The following KAZN variants were observed in gnomAD, a reference collection of about 807,000 sequenced individuals.
The protein encoded by KAZN is kazrin.
In KAZN, 40 loss-of-function variants were observed where a neutral mutation model predicts 87.4. The ratio of observed to expected loss-of-function variants is 0.46; its 90% confidence interval spans 0.36 to 0.60. KAZN has a LOEUF of 0.60. KAZN is among the 20% of genes least tolerant of loss of function. The probability of loss-of-function intolerance (pLI) is 0.00; values close to 1 mark genes in which losing one functional copy is unlikely to be tolerated. For synonymous variants in KAZN, 466 were observed against 458.3 expected, an observed-to-expected ratio of 1.02 and a Z score of -0.22; for missense variants, 898 against 1,073.9, an observed-to-expected ratio of 0.84 and a Z score of 2.29.
intron 3 of KAZN, among the ~76,000 whole-genome samples, chr1:15,043,705 G>T (rs1673161127): frequency 1.4e-5 from 2 of 145,980 alleles, no homozygotes; most frequent in Admixed American, 1.4e-4. Context: ...GTGCAGTGGT[G>T]CGATCTCGGC....
At chr1:13,916,957 T>C (rs755225608) in intron 1 of KAZN, among the ~76,000 whole-genome samples, 37 of 152,290 alleles carry the variant, frequency 2.4e-4, no homozygotes, top group Non-Finnish European at 4.7e-4. Context: ...GCATGCTCCC[T>C]GGGTAACCAT....
intron 1 of KAZN, among the ~76,000 whole-genome samples, chr1:14,929,434 C>T (rs1275555081): frequency 1.3e-5 from 2 of 152,132 alleles, no homozygotes; most frequent in Non-Finnish European, 2.9e-5. Flanking sequence ...TGCCAGGACC[C>T]TCCAGCCATT....
Position 14,287,032 on chromosome 1 carries a change from T to C in KAZN, c.249+106440T>C, listed in dbSNP as rs973379656. ...TGGAACTACAATTGAGTTTTGTATATGCTAATATTTTTATTAGTGCTTGTA... is the reference window on the plus strand; with the variant it reads ...TGGAACTACAATTGAGTTTTGTATACGCTAATATTTTTATTAGTGCTTGTA... On this transcript the variant is annotated intron_variant, in intron 2 of 16. Transcript: ENST00000636203. Among the ~76,000 whole-genome samples, 76 of 152,226 alleles carry C rather than the reference T, an allele frequency of 5.0e-4. 1 individual carries two copies. The highest frequency in any genetic ancestry group is 1.8e-3 in the African/African-American group (74 of 41,464).
chr1:14,447,717 G>A (rs534478958), intron 2 of KAZN, among the ~76,000 whole-genome samples: 1 of 152,218 alleles, frequency 6.6e-6, no homozygotes, highest in African/African-American at 2.4e-5. Context: ...CTCAGCCATG[G>A]GGTTGGGGGT....
intron 1 of KAZN, among the ~76,000 whole-genome samples, chr1:14,129,263 C>T (rs1329272761): frequency 2.0e-5 from 3 of 152,162 alleles, no homozygotes; most frequent in Non-Finnish European, 4.4e-5. Flanking sequence ...ATACAGAAGC[C>T]GGACACACTT....
In KAZN at chr1:15,099,246, G is replaced by A. The variant is rs753652027; in HGVS notation, c.1548-2297G>A. 2.6e-5 allele frequency among the ~76,000 whole-genome samples: 4 copies of A among 152,198 alleles called. No homozygotes were observed. Among genetic ancestry groups the A allele is most frequent in the Non-Finnish European group, 5.9e-5 (4 of 68,034 alleles). On this transcript the variant is annotated intron_variant, in intron 10 of 14. Coordinates refer to ENST00000376030, the MANE Select transcript of KAZN (RefSeq NM_201628.3). This position sits in a 1 kb window ranked among gnomAD's most constrained non-coding sequence, Gnocchi z 5.4. Reference sequence around the variant, plus strand: ...CATCCTGCTCTTAGCCATTATTCCAGGAAGCATTCAATCAGTGTCTACTGT... The same window carrying A: ...CATCCTGCTCTTAGCCATTATTCCAAGAAGCATTCAATCAGTGTCTACTGT...
At chr1:13,893,045 T>TTTGG (rs1638898976) in exon 1 of KAZN, 1 of 151,940 alleles carries the variant, frequency 6.6e-6, no homozygotes, top group Non-Finnish European at 1.5e-5. Context: ...GCGCTCTCCC[T>TTTGG]TTGGCAGCAG....
At chr1:14,907,755 G>T (rs1465506743) in intron 1 of KAZN, among the ~76,000 whole-genome samples, 2 of 152,178 alleles carry the variant, frequency 1.3e-5, no homozygotes, top group African/African-American at 2.4e-5. Flanking sequence ...AAGTCATGGA[G>T]CTGTTGAAGG....
chr1:14,961,592 G>A (rs893476142), intron 2 of KAZN, among the ~76,000 whole-genome samples: 1 of 152,180 alleles, frequency 6.6e-6, no homozygotes, highest in Non-Finnish European at 1.5e-5. Context: ...TAACCTGTCA[G>A]TGGACTCCAC....
intron 1 of KAZN, among the ~76,000 whole-genome samples, chr1:14,016,772 C>A (rs1640592195): frequency 6.6e-6 from 1 of 152,048 alleles, no homozygotes; most frequent in Admixed American, 6.6e-5. Flanking sequence ...GCATATTTTA[C>A]AAAACACAAA....
chr1:14,839,110 G>A (rs1326464061), intron 1 of KAZN, among the ~76,000 whole-genome samples: 1 of 152,198 alleles, frequency 6.6e-6, no homozygotes, highest in East Asian at 1.9e-4. Context: ...TGCCCTGCCT[G>A]TCCTGCCACT....
At chr1:14,331,135 T>G (rs1366980170) in intron 2 of KAZN, among the ~76,000 whole-genome samples, 2 of 152,108 alleles carry the variant, frequency 1.3e-5, no homozygotes, top group African/African-American at 4.8e-5. Context: ...AATAGGAAAG[T>G]CCTGGTGGCC....
intron 1 of KAZN, among the ~76,000 whole-genome samples, chr1:14,613,556 A>C (rs1228590787): frequency 1.3e-5 from 2 of 152,230 alleles, no homozygotes; most frequent in Non-Finnish European, 1.5e-5. Context: ...TATTTTTGCT[A>C]TCTGTTGGAG....
At chr1:14,396,180 A>C (rs1328380576) in intron 2 of KAZN, among the ~76,000 whole-genome samples, 3 of 151,848 alleles carry the variant, frequency 2.0e-5, no homozygotes, top group Non-Finnish European at 4.4e-5. Flanking sequence ...AAAAAAAAAA[A>C]AAAACTGCAA....
chr1:13,962,745 T>C (rs543319088), intron 1 of KAZN, among the ~76,000 whole-genome samples: 31 of 151,902 alleles, frequency 2.0e-4, no homozygotes, highest in African/African-American at 7.2e-4. Context: ...TTTAGTAGAG[T>C]GAGTGTTTCA....
chr1:14,022,553 CTG>C (rs1640893417), intron 1 of KAZN, among the ~76,000 whole-genome samples: 5 of 130,552 alleles, frequency 3.8e-5, no homozygotes, highest in Admixed American at 2.3e-4. Context: ...CAAACAAAAA[CTG>C]TGGATTTTAT....
intron 2 of KAZN, among the ~76,000 whole-genome samples, chr1:14,206,527 A>C (rs929028728): frequency 3.3e-5 from 5 of 152,172 alleles, no homozygotes; most frequent in Admixed American, 2.0e-4. Context: ...TTTAGAGTCT[A>C]TGGTAACTAG....
At chr1:14,786,477 G>A (rs1282031616) in intron 1 of KAZN, among the ~76,000 whole-genome samples, 1 of 152,166 alleles carries the variant, frequency 6.6e-6, no homozygotes, top group Non-Finnish European at 1.5e-5. Context: ...ACATAGAGCT[G>A]AAACCTCACA....
chr1:14,243,959 T>G (rs1328961904), intron 2 of KAZN, among the ~76,000 whole-genome samples: 2 of 152,156 alleles, frequency 1.3e-5, no homozygotes, highest in African/African-American at 4.8e-5. Flanking sequence ...AAAACCAGGA[T>G]TTCTGACCCT....
Sources: allele counts gnomAD v4.1 joint callset (sites outside exome capture counted in the v4.1 genomes callset), GRCh38; gene constraint gnomAD v4.1.1; non-coding constraint Gnocchi (gnomAD v3.1); transcripts MANE v1.5; gene names NCBI Gene and HGNC (gene_info 2026-07-23, HGNC 2026-07-21).